Variants in FNDC1 observed in about 807,000 individuals in gnomAD.
FNDC1 encodes the protein fibronectin type III domain-containing protein 1.
Under a neutral mutation model 168.0 loss-of-function variants are expected in FNDC1, and 96 were observed. The ratio of observed to expected loss-of-function variants is 0.57; its 90% confidence interval spans 0.48 to 0.68. FNDC1 has a LOEUF of 0.68. Among genes scored for constraint, FNDC1 ranks in the 30% least tolerant of loss-of-function variants. FNDC1 has a pLI of 0.00. For synonymous variants in FNDC1, 1,099 were observed against 1,025.9 expected, an observed-to-expected ratio of 1.07 and a Z score of -1.36; for missense variants, 2,587 against 2,482.1, an observed-to-expected ratio of 1.04 and a Z score of -0.90.
chr6:159,251,777 T>C (rs769074116), intron 17 of FNDC1, among the ~76,000 whole-genome samples: 1 of 152,216 alleles, frequency 6.6e-6, no homozygotes, highest in African/African-American at 2.4e-5. Flanking sequence ...GCGTCCCAGA[T>C]TGATTTGCAT....
rs539433347 is a variant in FNDC1, at chr6:159,234,055, G to C, written c.3543G>C (p.Glu1181Asp). 37 of 1,612,166 alleles carry C rather than the reference G, an allele frequency of 2.3e-5. No homozygotes were observed. The highest frequency in any genetic ancestry group is 2.1e-4 in the African/African-American group (16 of 75,042). Residue 1181 changes from glutamate (E) to aspartate (D), a missense_variant, in exon 11 of 23, where the codon GAG becomes GAC. Physicochemically the swap from Glu to Asp is conservative, Grantham distance 45. Coordinates refer to ENST00000297267, the MANE Select transcript of FNDC1 (RefSeq NM_032532.3). ...AGTCGGTCTCAGCCGAGGACGACGA[G>C]GAGGAGGACGCGGGATTTTTTAAAG... The part of the protein sequence containing the change: ...SQQSVSAEDD[E>D]EEDAGFFKGG...
At chr6:159,268,314 A>C (rs1202017572) in intron 22 of FNDC1, among the ~76,000 whole-genome samples, 1 of 152,216 alleles carries the variant, frequency 6.6e-6, no homozygotes, top group East Asian at 1.9e-4. Flanking sequence ...CCAAATGAAT[A>C]AACAGAACAA....
At position 159,232,758 on chromosome 6, in the gene FNDC1, A is replaced by G. The variant is rs1783126378; in HGVS notation, c.2246A>G (p.Asp749Gly). 2 of 1,613,632 alleles carry G rather than the reference A, an allele frequency of 1.2e-6. No individual in the cohort carries two copies. Among genetic ancestry groups the G allele is most frequent in the Non-Finnish European group, 8.5e-7 (1 of 1,179,866 alleles). Reference protein sequence around the residue: ...PLSKGGKDGEDAPATNSNAPS... With the variant: ...PLSKGGKDGEGAPATNSNAPS... Reference sequence around the variant, plus strand: ...TCCAAGGGCGGGAAGGATGGTGAGGACGCCCCAGCCACCAACTCCAATGCG... The same window carrying G: ...TCCAAGGGCGGGAAGGATGGTGAGGGCGCCCCAGCCACCAACTCCAATGCG... Residue 749 changes from aspartate to glycine, a missense_variant, in exon 11 of 23, where the codon GAC becomes GGC. Asp to Gly is a moderately conservative substitution (Grantham distance 94, BLOSUM62 -1). Transcript: ENST00000297267. The surrounding 1 kb of genome is among the most constrained non-coding windows in gnomAD (Gnocchi z 4.9).
At position 159,267,838 on chromosome 6, in the gene FNDC1, A is replaced by C. The variant is rs1777621258; in HGVS notation, c.5481A>C (p.Arg1827Ser). 1 of 1,613,824 alleles carries C rather than the reference A, an allele frequency of 6.2e-7. No individual in the cohort carries two copies. Among genetic ancestry groups the C allele is most frequent in the African/African-American group, 1.3e-5 (1 of 75,060 alleles). Residue 1827 changes from arginine (R) to serine (S), a missense_variant, in exon 22 of 23, where the codon AGA becomes AGC. Coordinates refer to ENST00000297267, the MANE Select transcript of FNDC1 (RefSeq NM_032532.3). ...TFYSIGDSWG[R>S]GEDHCQFVDS... ...ACAGCATTGGAGACAGCTGGGGAAG[A>C]GGTGAAGACCATTGCCAATTTGTGG...
At chr6:159,256,937 C>G (rs1279340153) in intron 18 of FNDC1, among the ~76,000 whole-genome samples, 1 of 152,060 alleles carries the variant, frequency 6.6e-6, no homozygotes, top group African/African-American at 2.4e-5. Flanking sequence ...ATTTTTAGTC[C>G]CAATATCGTG....
At chr6:159,268,774 AC>A (rs1454686911) in intron 22 of FNDC1, among the ~76,000 whole-genome samples, 1 of 151,630 alleles carries the variant, frequency 6.6e-6, no homozygotes, top group Non-Finnish European at 1.5e-5. Context: ...TAATCTATCT[AC>A]ACATCTACTT....
At position 159,236,310 on chromosome 6, in the gene FNDC1, A is replaced by C; in HGVS notation, c.4063A>C (p.Lys1355Gln). 7 of 1,611,794 alleles carry C rather than the reference A, an allele frequency of 4.3e-6. No individual in the cohort carries two copies. The highest frequency in any genetic ancestry group is 5.9e-6 in the Non-Finnish European group (7 of 1,178,134). Reference sequence around the variant, plus strand: ...AATTATCAATGGCCCTCAAGGAACAAAGTGGGTAGGGTAAACTTCTTTACA... The same window carrying C: ...AATTATCAATGGCCCTCAAGGAACACAGTGGGTAGGGTAAACTTCTTTACA... Reference protein sequence around the residue: ...QRIINGPQGTKWVVDLDRGLV... With the variant: ...QRIINGPQGTQWVVDLDRGLV... Residue 1355 changes from lysine (K) to glutamine (Q), a missense_variant, in exon 12 of 23, where the codon AAG (lysine) becomes CAG (glutamine). By Grantham distance (53) the Lys-to-Gln change is moderately conservative (BLOSUM62 1). Transcript: ENST00000297267.
In FNDC1 at chr6:159,197,634, C is replaced by T. The variant is rs139166379; in HGVS notation, c.304+9C>T. 2.2e-5 allele frequency: 36 copies of T among 1,603,534 alleles called. 1 individual carries two copies. The East Asian group carries it at 5.8e-4, about 26-fold the overall frequency. On this transcript the variant is annotated intron_variant, in intron 2 of 22. Coordinates refer to ENST00000297267, the MANE Select transcript of FNDC1 (RefSeq NM_032532.3). ...CCTTATTGAGGATGTGGGTAAGTGACACTCTGATCTTGTTCCCAGTCAGAA... is the reference window on the plus strand; with the variant it reads ...CCTTATTGAGGATGTGGGTAAGTGATACTCTGATCTTGTTCCCAGTCAGAA...
At chr6:159,239,436 G>T in intron 13 of FNDC1, 81 bp from the exon 14 acceptor site, 1 of 1,243,364 alleles carries the variant, frequency 8.0e-7, no homozygotes, top group South Asian at 1.6e-5. Flanking sequence ...CATAAGCTTT[G>T]AGAAGACACT....
In FNDC1 at chr6:159,194,150, G is replaced by A. The variant is rs1023109291; in HGVS notation, c.110-3281G>A. On this transcript the variant is annotated intron_variant, in intron 1 of 22. Transcript: ENST00000297267. Reference sequence around the variant, plus strand: ...CTTGAATGAGGAAGGACACAGACAGGAAATTCTTTTCATTTAACCCAATTC... The same window carrying A: ...CTTGAATGAGGAAGGACACAGACAGAAAATTCTTTTCATTTAACCCAATTC... Among the ~76,000 whole-genome samples, 4 of 152,182 alleles carry A rather than the reference G, an allele frequency of 2.6e-5. No individual in the cohort carries two copies. The East Asian group carries it at 5.8e-4, about 22-fold the overall frequency.
intron 17 of FNDC1, among the ~76,000 whole-genome samples, chr6:159,253,255 G>T (rs1777305261): frequency 6.6e-6 from 1 of 152,200 alleles, no homozygotes; most frequent in African/African-American, 2.4e-5. Context: ...GTGGAACACT[G>T]CAGCACATGA....
At position 159,231,956 on chromosome 6, in the gene FNDC1, C is replaced by A. The variant is rs199638435; in HGVS notation, c.1444C>A (p.Pro482Thr). ...AAAACCTGAGCCTTCCTCACCTTCT[C>A]CCAGAGCTCCAGCTTCCTCCCAACA... Reference protein sequence around the residue: ...PEKPEPSSPSPRAPASSQHPS... With the variant: ...PEKPEPSSPSTRAPASSQHPS... The change falls in exon 11 of 23, where the codon CCC becomes ACC. Residue 482 changes from proline to threonine, a missense_variant. Transcript: ENST00000297267. 3.7e-6 allele frequency: 6 copies of A among 1,613,990 alleles called. No homozygotes were observed. Among genetic ancestry groups the A allele is most frequent in the Non-Finnish European group, 4.2e-6 (5 of 1,179,896 alleles).
intron 22 of FNDC1, among the ~76,000 whole-genome samples, chr6:159,269,058 GTCTATCTATCTATCTATCTATCTATCTA>G (rs201260395): frequency 4.4e-4 from 60 of 137,058 alleles, no homozygotes; most frequent in African/African-American, 1.1e-3. Flanking sequence ...CTATCTATCT[GTCTATCTATCTATCTATCTATCTATCTA>G]TCTATCTATC....
In FNDC1 at chr6:159,214,936, C is replaced by T. The variant is rs1782677389; in HGVS notation, c.461-9C>T. On this transcript the variant is annotated splice_polypyrimidine_tract_variant and intron_variant, in intron 4 of 22. Transcript: ENST00000297267. Reference sequence around the variant, plus strand: ...TGTCTAACCACTTTTGTGTCCTGCCCTCTTTAAGAAAAGGAAGTGCCCAAC... The same window carrying T: ...TGTCTAACCACTTTTGTGTCCTGCCTTCTTTAAGAAAAGGAAGTGCCCAAC... 2 of 1,613,384 alleles carry T rather than the reference C, an allele frequency of 1.2e-6. No homozygotes were observed. The highest frequency in any genetic ancestry group is 2.2e-5 in the East Asian group (1 of 44,878).
chr6:159,187,965 T>C (rs1331532755), intron 1 of FNDC1, among the ~76,000 whole-genome samples: 5 of 152,214 alleles, frequency 3.3e-5, no homozygotes, highest in African/African-American at 1.2e-4. Flanking sequence ...TTGTAGTACA[T>C]CCTAACCTTT....
intron 18 of FNDC1, among the ~76,000 whole-genome samples, chr6:159,259,260 A>G (rs1777431687): frequency 6.6e-6 from 1 of 152,158 alleles, no homozygotes; most frequent in South Asian, 2.1e-4. Context: ...GCTTAATTTC[A>G]TATTGTTTTT....
intron 12 of FNDC1, among the ~76,000 whole-genome samples, chr6:159,237,039 T>C (rs1783275600): frequency 6.6e-6 from 1 of 152,184 alleles, no homozygotes; most frequent in Non-Finnish European, 1.5e-5. Flanking sequence ...ATGATAAGGT[T>C]TAGGGAAATG....
At position 159,221,702 on chromosome 6, in the gene FNDC1, T is replaced by C. The variant is rs1163412492; in HGVS notation, c.766+6T>C. Reference sequence around the variant, plus strand: ...AACAAAGCGAAAGATTTCAGGTATGTTTCTAAGGATGCATTTGGTCAAACC... The same window carrying C: ...AACAAAGCGAAAGATTTCAGGTATGCTTCTAAGGATGCATTTGGTCAAACC... On this transcript the variant is annotated splice_donor_region_variant and intron_variant, in intron 6 of 22. Coordinates refer to ENST00000297267, the MANE Select transcript of FNDC1 (RefSeq NM_032532.3). 1 of 1,609,176 alleles carries C rather than the reference T, an allele frequency of 6.2e-7. No individual in the cohort carries two copies. Among genetic ancestry groups the C allele is most frequent in the South Asian group, 1.1e-5 (1 of 90,984 alleles).
rs1375204940 is a variant in FNDC1, at chr6:159,239,753, ACCCGCCG to A, written c.4419_4425del (p.Arg1475ProfsTer50). 1.3e-3 allele frequency: 40 copies of A among 31,466 alleles called. No homozygotes were observed. The highest frequency in any genetic ancestry group is 2.3e-3 in the Non-Finnish European group (38 of 16,596). 1.9% of individuals were successfully genotyped at this position (31,466 alleles called of 1,614,324 possible). ...AACCCCGAGGCCCACCACTGCCACC[ACCCGCCG>A]CACGACCACCACCCGCCGCACGACC... On this transcript the variant is annotated frameshift_variant, in exon 14 of 23. Coordinates refer to ENST00000297267, the MANE Select transcript of FNDC1 (RefSeq NM_032532.3). LOFTEE classifies it high-confidence loss of function.
Sources: allele counts gnomAD v4.1 joint callset (sites outside exome capture counted in the v4.1 genomes callset), GRCh38; gene constraint gnomAD v4.1.1; non-coding constraint Gnocchi (gnomAD v3.1); transcripts MANE v1.5; gene names NCBI Gene and HGNC (gene_info 2026-07-23, HGNC 2026-07-21).